Variants in METTL9 observed in about 807,000 individuals in gnomAD.
METTL9 encodes the protein methyltransferase 9, His-X-His N1(pi)-histidine.
In METTL9, 10 loss-of-function variants were observed where a neutral mutation model predicts 36.0. That is an observed-to-expected ratio of 0.28 (90% CI 0.17 to 0.47). The LOEUF (loss-of-function observed/expected upper bound fraction) is 0.47, where lower values mean the gene tolerates loss of function less well. METTL9 is among the 20% of genes least tolerant of loss of function. The pLI is 0.99. For synonymous variants in METTL9, 175 were observed against 149.7 expected (o/e 1.17, Z -1.23); for missense variants, 246 against 383.5 (o/e 0.64, Z 3.00).
At chr16:21,630,219 T>A (rs1315308756) in intron 4 of METTL9, among the ~76,000 whole-genome samples, 1 of 152,212 alleles carries the variant, frequency 6.6e-6, no homozygotes, top group African/African-American at 2.4e-5. Flanking sequence ...GACAGCCCAG[T>A]GGGAGCTTGT....
At chr16:21,628,975 C>A (rs572133276) in intron 4 of METTL9, among the ~76,000 whole-genome samples, 2 of 150,968 alleles carry the variant, frequency 1.3e-5, no homozygotes, top group Non-Finnish European at 2.9e-5. Flanking sequence ...CTCACTGCAA[C>A]CTCCGCCTCC....
At position 21,599,629 on chromosome 16, in the gene METTL9, C is replaced by T. The variant is rs140246504; in HGVS notation, c.-105C>T. ...GGGGGCTGGATGGGCAAGGCGGCCG[C>T]GATGGCTCGAGCTCGGGCGGTGGCG... On this transcript the variant is annotated 5_prime_UTR_variant, in exon 1 of 5. Coordinates refer to ENST00000358154, the MANE Select transcript of METTL9 (RefSeq NM_016025.5). This position sits in a 1 kb window ranked among gnomAD's most constrained non-coding sequence, Gnocchi z 4.4. 9.0e-6 allele frequency: 12 copies of T among 1,335,368 alleles called. No homozygotes were observed. Among genetic ancestry groups the T allele is most frequent in the South Asian group, 3.8e-5 (2 of 52,246 alleles). The allele number at this position is 1,335,368 out of a possible 1,614,324, so 82.7% of individuals were successfully genotyped here.
At chr16:21,617,407 C>A (rs567433091) in intron 2 of METTL9, among the ~76,000 whole-genome samples, 1 of 127,312 alleles carries the variant, frequency 7.9e-6, no homozygotes, top group Admixed American at 8.9e-5. Flanking sequence ...GACGGCAGAG[C>A]GAGACTCTGT....
At chr16:21,600,785 T>C (rs1449530322) in intron 1 of METTL9, among the ~76,000 whole-genome samples, 3 of 152,228 alleles carry the variant, frequency 2.0e-5, no homozygotes, top group Non-Finnish European at 4.4e-5. Context: ...GTTAAATTCA[T>C]TGAAAAGAGG....
chr16:21,643,109 A>T, intron 4 of METTL9: 1 of 1,609,284 alleles, frequency 6.2e-7, no homozygotes. Flanking sequence ...CTCTTATGGT[A>T]TAGTTCTTGA....
Position 21,627,452 on chromosome 16 carries a change from T to C in METTL9, c.751+2337T>C, listed in dbSNP as rs557190520. 1.0e-4 allele frequency: 88 copies of C among 883,920 alleles called. No individual in the cohort carries two copies. The Middle Eastern group carries it at 3.0e-3, about 30-fold the overall frequency. 54.8% of individuals were successfully genotyped at this position (883,920 alleles called of 1,614,324 possible). ...AGTTTATTTGGTTTACTGACCCAGT[T>C]TTGGCTAGGGGTTATTGAATCTAGT... On this transcript the variant is annotated intron_variant, in intron 4 of 4. Transcript: ENST00000358154.
chr16:21,655,372 C>G lies in METTL9; in HGVS notation c.897C>G (p.Gly299=). The G allele has an allele frequency of 2.5e-6, 4 of 1,614,102 alleles. No homozygotes were observed. The highest frequency in any genetic ancestry group is 3.4e-6 in the Non-Finnish European group (4 of 1,180,008). Residue 299 remains glycine (G), a synonymous_variant, in exon 5 of 5, where the codon GGC becomes GGG. Transcript: ENST00000358154. ...CCAGACTACCATACCTGTGTGAAGG[C>G]GACATGTATAATGACTACTACGTTC... ...AFTRLPYLCE[G]DMYNDYYVLD...
At chr16:21,609,368 GCTCT>G (rs555674827) in intron 1 of METTL9, among the ~76,000 whole-genome samples, 3 of 152,112 alleles carry the variant, frequency 2.0e-5, no homozygotes, top group Non-Finnish European at 4.4e-5. Flanking sequence ...CCTTTATGAA[GCTCT>G]CAGTCTACCT....
intron 2 of METTL9, 116 bp from the exon 3 acceptor site, chr16:21,617,749 C>A: frequency 2.2e-6 from 2 of 921,218 alleles, no homozygotes; most frequent in Non-Finnish European, 3.4e-6. Flanking sequence ...AAATCTTAAC[C>A]ATGTAATAAG....
intron 1 of METTL9, among the ~76,000 whole-genome samples, chr16:21,600,569 A>C (rs1965095971): frequency 6.6e-6 from 1 of 152,154 alleles, no homozygotes; most frequent in African/African-American, 2.4e-5. Flanking sequence ...TGTGATGAGG[A>C]GGAAGATTAT....
At chr16:21,606,141 C>A (rs1224315102) in intron 1 of METTL9, among the ~76,000 whole-genome samples, 1 of 152,014 alleles carries the variant, frequency 6.6e-6, no homozygotes, top group East Asian at 1.9e-4. Flanking sequence ...TCAAGACCAT[C>A]CCGGCTAACA....
At chr16:21,597,296 A>C, upstream of METTL9, 1 of 1,288,962 alleles carries the variant, frequency 7.8e-7, no homozygotes, top group Non-Finnish European at 1.0e-6. Context: ...AAGTTCTATG[A>C]AAAGGTCAGC....
At chr16:21,600,743 C>T (rs546441978) in intron 1 of METTL9, among the ~76,000 whole-genome samples, 1 of 152,258 alleles carries the variant, frequency 6.6e-6, no homozygotes, top group African/African-American at 2.4e-5. Context: ...TGAGATATTT[C>T]GTATATGACC....
upstream of METTL9, among the ~76,000 whole-genome samples, chr16:21,598,352 C>CAAAA (rs1161878357): frequency 3.4e-5 from 2 of 59,166 alleles, no homozygotes; most frequent in African/African-American, 6.2e-5. Flanking sequence ...CACTCCGTTT[C>CAAAA]AAAAAAAAAA....
intron 4 of METTL9, among the ~76,000 whole-genome samples, chr16:21,637,448 G>A (rs1382929688): frequency 6.6e-6 from 1 of 152,150 alleles, no homozygotes; most frequent in African/African-American, 2.4e-5. Flanking sequence ...AAACCTTTAA[G>A]TAGACACAGA....
At chr16:21,639,743 G>A (rs1347994934) in intron 4 of METTL9, 1 of 152,068 alleles carries the variant, frequency 6.6e-6, no homozygotes, top group East Asian at 1.9e-4. Context: ...AAAAAAATGA[G>A]GTTCCATGCT....
chr16:21,638,468 A>G (rs1966162887), intron 4 of METTL9, among the ~76,000 whole-genome samples: 1 of 152,196 alleles, frequency 6.6e-6, no homozygotes, highest in Non-Finnish European at 1.5e-5. Flanking sequence ...CTCAATTTAA[A>G]TGCTGAAGGA....
chr16:21,655,513 A>G lies in METTL9; in HGVS notation c.*81A>G. The G allele has an allele frequency of 8.2e-7, 1 of 1,223,758 alleles. No individual in the cohort carries two copies. Among genetic ancestry groups the G allele is most frequent in the Non-Finnish European group, 1.2e-6 (1 of 863,598 alleles). The allele number at this position is 1,223,758 out of a possible 1,614,324, so 75.8% of individuals were successfully genotyped here. On this transcript the variant is annotated 3_prime_UTR_variant, in exon 5 of 5. Coordinates refer to ENST00000358154, the MANE Select transcript of METTL9 (RefSeq NM_016025.5). ...GAGGGTCTGTGTTCACAATTACGTG[A>G]AGGGAGGACCCTTGGGGACCGCCAT... is the stretch of plus-strand genomic sequence containing the variant.
intron 4 of METTL9, among the ~76,000 whole-genome samples, chr16:21,628,131 G>A (rs934915582): frequency 1.3e-5 from 2 of 152,100 alleles, no homozygotes; most frequent in Non-Finnish European, 2.9e-5. Flanking sequence ...CCACTTAAAT[G>A]TATCTAGGAA....
Sources: allele counts gnomAD v4.1 joint callset (sites outside exome capture counted in the v4.1 genomes callset), GRCh38; gene constraint gnomAD v4.1.1; non-coding constraint Gnocchi (gnomAD v3.1); transcripts MANE v1.5; gene names NCBI Gene and HGNC (gene_info 2026-07-23, HGNC 2026-07-21).